Variants in MALRD1 observed in about 807,000 individuals in gnomAD.
The protein encoded by MALRD1 is MAM and LDL-receptor class A domain-containing protein 1.
Under a neutral mutation model 242.1 loss-of-function variants are expected in MALRD1, and 247 were observed. That is an observed-to-expected ratio of 1.02 (90% CI 0.92 to 1.13). The LOEUF is 1.13. MALRD1 is among the 50% of genes most tolerant of loss of function. The probability of loss-of-function intolerance (pLI) is 0.00; values close to 1 mark genes in which losing one functional copy is unlikely to be tolerated. For synonymous variants in MALRD1, 995 were observed against 866.6 expected, an observed-to-expected ratio of 1.15 and a Z score of -2.60; for missense variants, 2,989 against 2,533.1, an observed-to-expected ratio of 1.18 and a Z score of -3.86.
At chr10:19,072,914 C>A (rs1373798049) in intron 2 of MALRD1, among the ~76,000 whole-genome samples, 3 of 151,574 alleles carry the variant, frequency 2.0e-5, no homozygotes, top group Non-Finnish European at 4.4e-5. Flanking sequence ...ACTTACCTTC[C>A]CCCCCTTTTT....
chr10:19,103,502 A>G (rs1836344515), intron 4 of MALRD1, among the ~76,000 whole-genome samples: 2 of 146,200 alleles, frequency 1.4e-5, no homozygotes, highest in Non-Finnish European at 1.5e-5. Context: ...CGGAGCTTGT[A>G]GATCGTGCCA....
At chr10:19,551,436 T>C (rs1835464335) in intron 32 of MALRD1, among the ~76,000 whole-genome samples, 1 of 152,218 alleles carries the variant, frequency 6.6e-6, no homozygotes, top group Non-Finnish European at 1.5e-5. Context: ...ACGCTACTGA[T>C]TTTTGTATGC....
At chr10:19,100,188 T>G (rs575482223) in intron 4 of MALRD1, among the ~76,000 whole-genome samples, 1 of 152,210 alleles carries the variant, frequency 6.6e-6, no homozygotes, top group African/African-American at 2.4e-5. Context: ...TTATGCCTGA[T>G]GTGTCTTGTG....
intron 21 of MALRD1, among the ~76,000 whole-genome samples, chr10:19,290,800 G>A (rs149644711): frequency 2.0e-5 from 3 of 152,196 alleles, no homozygotes; most frequent in East Asian, 3.9e-4. Flanking sequence ...TAGAATCTGA[G>A]CCTTATAGTT....
intron 12 of MALRD1, among the ~76,000 whole-genome samples, chr10:19,160,222 T>C (rs1834338773): frequency 6.6e-6 from 1 of 151,864 alleles, no homozygotes; most frequent in Non-Finnish European, 1.5e-5. Context: ...GAGATAATCA[T>C]GTGGTTTTTG....
At chr10:19,127,170 G>T (rs369776362) in intron 7 of MALRD1, among the ~76,000 whole-genome samples, 2 of 152,100 alleles carry the variant, frequency 1.3e-5, no homozygotes, top group African/African-American at 4.8e-5. Context: ...ATGGGCATTT[G>T]GGTTGATTCC....
Position 19,704,497 on chromosome 10 carries a change from G to T in MALRD1, c.6314+11943G>T, listed in dbSNP as rs1355122916. Among the ~76,000 whole-genome samples the T allele has an allele frequency of 5.3e-5, 8 of 152,226 alleles. 1 individual carries two copies. The South Asian group carries it at 1.7e-3, about 32-fold the overall frequency. The stretch of plus-strand genomic sequence containing the variant: ...CATGTAAGCCAAATTACTTCCAAGG[G>T]CCCCACCTCCTAATGCCGTCGCTTT... On this transcript the variant is annotated intron_variant, in intron 38 of 39. Coordinates refer to ENST00000454679, the MANE Select transcript of MALRD1 (RefSeq NM_001142308.3).
chr10:19,513,461 CG>C (rs1468249931), intron 31 of MALRD1, among the ~76,000 whole-genome samples: 1 of 150,996 alleles, frequency 6.6e-6, no homozygotes, highest in Non-Finnish European at 1.5e-5. Context: ...CCAACCTGGC[CG>C]GGCGTGGTGG....
chr10:19,464,945 C>A (rs1443440228), intron 29 of MALRD1, among the ~76,000 whole-genome samples: 1 of 90,374 alleles, frequency 1.1e-5, no homozygotes, highest in Non-Finnish European at 2.1e-5. Flanking sequence ...AGGTATAATT[C>A]CAATTTTTTT....
chr10:19,128,510 G>A, intron 8 of MALRD1, 123 bp downstream of exon 8: 1 of 569,792 alleles, frequency 1.8e-6, no homozygotes, highest in Non-Finnish European at 2.6e-6. Context: ...ACTTTACTTG[G>A]TATACTTTTA....
chr10:19,583,602 G>A (rs1417161174), intron 33 of MALRD1, among the ~76,000 whole-genome samples: 2 of 152,050 alleles, frequency 1.3e-5, no homozygotes, highest in Non-Finnish European at 2.9e-5. Context: ...TAAGCTTTTC[G>A]ATGTGCTGCT....
intron 14 of MALRD1, among the ~76,000 whole-genome samples, 171 bp from the exon 15 acceptor site, chr10:19,203,557 C>T (rs1358341919): frequency 6.6e-6 from 1 of 152,172 alleles, no homozygotes; most frequent in Non-Finnish European, 1.5e-5. Flanking sequence ...GAAAGCATAG[C>T]TCCATTTTTG....
chr10:19,096,945 T>C (rs1432511495), intron 4 of MALRD1, among the ~76,000 whole-genome samples: 1 of 152,154 alleles, frequency 6.6e-6, no homozygotes, highest in Non-Finnish European at 1.5e-5. Flanking sequence ...TTTAATGAAA[T>C]TGAAGCAGGT....
At chr10:19,186,268 C>T (rs1588669226) in intron 14 of MALRD1, among the ~76,000 whole-genome samples, 1 of 152,056 alleles carries the variant, frequency 6.6e-6, no homozygotes, top group Admixed American at 6.6e-5. Flanking sequence ...TCAGACAAAC[C>T]GCTCTAGACA....
At chr10:19,655,176 CTTGTTG>C (rs938679268) in intron 36 of MALRD1, among the ~76,000 whole-genome samples, 11 of 151,294 alleles carry the variant, frequency 7.3e-5, no homozygotes, top group South Asian at 4.2e-4. Flanking sequence ...GTTTTTTGTT[CTTGTTG>C]TTGTTGTTGT....
At chr10:19,661,548 C>T (rs948547389) in intron 36 of MALRD1, among the ~76,000 whole-genome samples, 8 of 152,066 alleles carry the variant, frequency 5.3e-5, no homozygotes, top group African/African-American at 1.2e-4. Context: ...AAAAACCAAA[C>T]GCTGCATGTT....
intron 38 of MALRD1, among the ~76,000 whole-genome samples, chr10:19,701,575 A>AT (rs1248863432): frequency 2.0e-5 from 3 of 152,152 alleles, no homozygotes; most frequent in Non-Finnish European, 2.9e-5. Flanking sequence ...CACCCAAAAA[A>AT]GAAACTTAAG....
At chr10:19,385,828 T>C (rs2130801494) in intron 26 of MALRD1, among the ~76,000 whole-genome samples, 1 of 152,236 alleles carries the variant, frequency 6.6e-6, no homozygotes, top group Non-Finnish European at 1.5e-5. Context: ...GATGTTTATT[T>C]AAGATCTTTC....
intron 32 of MALRD1, among the ~76,000 whole-genome samples, chr10:19,557,962 T>A (rs1835799777): frequency 6.6e-6 from 1 of 152,122 alleles, no homozygotes; most frequent in Non-Finnish European, 1.5e-5. Flanking sequence ...TTCATAGATA[T>A]CATGTACTTT....
Sources: allele counts gnomAD v4.1 joint callset (sites outside exome capture counted in the v4.1 genomes callset), GRCh38; gene constraint gnomAD v4.1.1; transcripts MANE v1.5; gene names NCBI Gene and HGNC (gene_info 2026-07-23, HGNC 2026-07-21).